The following CPEB2 variants were observed in gnomAD, a reference collection of about 807,000 sequenced individuals.
The protein encoded by CPEB2 is cytoplasmic polyadenylation element-binding protein 2.
In CPEB2, 56 loss-of-function variants were observed where a neutral mutation model predicts 93.6. The ratio of observed to expected loss-of-function variants is 0.60; its 90% CI spans 0.48 to 0.75. The LOEUF is 0.75. Among genes scored for constraint, CPEB2 ranks in the 30% least tolerant of loss-of-function variants. The pLI is 0.00. For synonymous variants in CPEB2, 764 were observed against 586.3 expected (o/e 1.30, Z -4.38); for missense variants, 1,579 against 1,395.1 (o/e 1.13, Z -2.10).
intron 6 of CPEB2, among the ~76,000 whole-genome samples, chr4:15,049,332 G>A (rs777974501): frequency 1.3e-5 from 2 of 151,610 alleles, no homozygotes; most frequent in African/African-American, 2.4e-5. Flanking sequence ...AAAGACATTT[G>A]AATACTTACT....
At chr4:15,039,294 T>A (rs935219487) in intron 5 of CPEB2, among the ~76,000 whole-genome samples, 37 of 152,200 alleles carry the variant, frequency 2.4e-4, no homozygotes, top group African/African-American at 8.7e-4. Flanking sequence ...TTAGAGGAAC[T>A]AGTGTGTTAC....
In CPEB2 at chr4:15,047,060, T is replaced by C. The variant is rs559328772; in HGVS notation, c.2201-5354T>C. On this transcript the variant is annotated intron_variant, in intron 6 of 11. Coordinates refer to ENST00000538197, the MANE Select transcript of CPEB2 (RefSeq NM_001177382.2). ...TTTACTTTTCCACATTGAACTGTATTGGTACCTTTGAAAAACATCAAGTGA... is the reference window on the plus strand; with the variant it reads ...TTTACTTTTCCACATTGAACTGTATCGGTACCTTTGAAAAACATCAAGTGA... Among the ~76,000 whole-genome samples, 5 of 152,326 alleles carry C rather than the reference T, an allele frequency of 3.3e-5. No homozygotes were observed. The South Asian group carries it at 8.3e-4, about 25-fold the overall frequency.
chr4:15,026,247 G>A (rs1382772484), intron 4 of CPEB2, among the ~76,000 whole-genome samples: 1 of 148,654 alleles, frequency 6.7e-6, no homozygotes, highest in Non-Finnish European at 1.5e-5. Flanking sequence ...TGTTTTTTGA[G>A]ATGGAGTCTT....
chr4:15,008,988 G>A (rs907686839), intron 3 of CPEB2, among the ~76,000 whole-genome samples: 1 of 152,132 alleles, frequency 6.6e-6, no homozygotes, highest in Non-Finnish European at 1.5e-5. Flanking sequence ...TGGAGAAACC[G>A]TTAGTCAAAA....
rs1295566956 is a variant in CPEB2 at position 15,069,195 on chromosome 4, G to GA, written c.*2819dup. 6.6e-6 allele frequency: 1 copy of GA among 151,992 alleles called. No individual in the cohort carries two copies. Among genetic ancestry groups the GA allele is most frequent in the Non-Finnish European group, 1.5e-5 (1 of 67,764 alleles). The allele number at this position is 151,992 out of a possible 1,614,324, so 9.4% of individuals were successfully genotyped here. ...TTTAGCATTTATATATTTGTGTATG[G>GA]AAAACACTTGATATTTTATCCCTGT... On this transcript the variant is annotated 3_prime_UTR_variant, in exon 12 of 12. Coordinates refer to ENST00000538197, the MANE Select transcript of CPEB2 (RefSeq NM_001177382.2).
chr4:15,037,668 A>T (rs1726757264), intron 5 of CPEB2, among the ~76,000 whole-genome samples: 1 of 152,180 alleles, frequency 6.6e-6, no homozygotes, highest in African/African-American at 2.4e-5. Context: ...CTTATTTTTA[A>T]ATAAATAAGG....
chr4:15,003,331 C>T lies in CPEB2; in HGVS notation c.658C>T (p.Gln220Ter). The change falls in exon 1 of 12, where the codon CAG (glutamine) becomes TAG (stop). Residue 220 changes from glutamine to a stop codon, truncating the protein, a stop_gained. Transcript: ENST00000538197. LOFTEE classifies it high-confidence loss of function. ...PPPPPAGPLL[Q>*]PAQLAQRQQQ... Reference sequence around the variant, plus strand: ...GCCGCCGCCAGCCGGCCCGCTCCTCCAGCCGGCGCAGCTCGCTCAGCGCCA... The same window carrying T: ...GCCGCCGCCAGCCGGCCCGCTCCTCTAGCCGGCGCAGCTCGCTCAGCGCCA... 1.4e-6 allele frequency: 2 copies of T among 1,405,152 alleles called. No individual in the cohort carries two copies. The highest frequency in any genetic ancestry group is 7.2e-5 in the Admixed American group (2 of 27,916). The allele number at this position is 1,405,152 out of a possible 1,614,324, so 87.0% of individuals were successfully genotyped here.
At chr4:15,024,120 A>G (rs770124211) in intron 4 of CPEB2, among the ~76,000 whole-genome samples, 6 of 152,094 alleles carry the variant, frequency 3.9e-5, no homozygotes, top group Non-Finnish European at 7.4e-5. Flanking sequence ...GCTTCTTTCA[A>G]TACATACAAA....
chr4:15,050,775 G>A (rs114639711), intron 6 of CPEB2, among the ~76,000 whole-genome samples: 2,037 of 151,936 alleles, frequency 0.013, 44 homozygotes, highest in African/African-American at 0.047. Flanking sequence ...TGAATGTTCT[G>A]CTTCTTCCTT....
At chr4:15,007,008 A>G (rs752704760) in intron 1 of CPEB2, among the ~76,000 whole-genome samples, 6 of 152,152 alleles carry the variant, frequency 3.9e-5, no homozygotes, top group East Asian at 1.9e-4. Context: ...TTTTCTTCAT[A>G]TTTATCATGT....
At position 15,068,162 on chromosome 4, in the gene CPEB2, A is replaced by T. The variant is rs1188976475; in HGVS notation, c.*1782A>T. 3 of 152,284 alleles carry T rather than the reference A, an allele frequency of 2.0e-5. No individual in the cohort carries two copies. In the Admixed American group the frequency reaches 2.0e-4, roughly 10 times the overall value. 9.4% of individuals were successfully genotyped at this position (152,284 alleles called of 1,614,324 possible). ...TTACAAGGGTGTTGCCTTATAGCAA[A>T]CCCTTGGGACAATCCTTCATGTGAG... On this transcript the variant is annotated 3_prime_UTR_variant, in exon 12 of 12. Coordinates refer to ENST00000538197, the MANE Select transcript of CPEB2 (RefSeq NM_001177382.2).
At chr4:15,061,506 G>A (rs1729187020) in intron 10 of CPEB2, among the ~76,000 whole-genome samples, 1 of 151,816 alleles carries the variant, frequency 6.6e-6, no homozygotes, top group African/African-American at 2.4e-5. Flanking sequence ...AACAATTATA[G>A]TGGAGTCATG....
intron 4 of CPEB2, among the ~76,000 whole-genome samples, chr4:15,022,011 A>G (rs1476413408): frequency 6.6e-6 from 1 of 152,206 alleles, no homozygotes; most frequent in Non-Finnish European, 1.5e-5. Context: ...AGATTACAAT[A>G]CCAAGTCACA....
intron 6 of CPEB2, among the ~76,000 whole-genome samples, chr4:15,043,134 A>G (rs1727341354): frequency 6.6e-6 from 1 of 152,178 alleles, no homozygotes; most frequent in Non-Finnish European, 1.5e-5. Context: ...CAGGCACGAA[A>G]CTGTTTTCAT....
chr4:15,009,116 A>C (rs1723163394), intron 3 of CPEB2, among the ~76,000 whole-genome samples: 1 of 152,216 alleles, frequency 6.6e-6, no homozygotes, highest in South Asian at 2.1e-4. Context: ...GAGGATTATT[A>C]TAGGTTATAG....
At chr4:15,055,520 CG>C (rs1728631933) in intron 8 of CPEB2, among the ~76,000 whole-genome samples, 2 of 152,008 alleles carry the variant, frequency 1.3e-5, no homozygotes, top group African/African-American at 4.8e-5. Flanking sequence ...GTAATGTTCC[CG>C]ACTAAGCTAC....
chr4:15,044,399 G>A (rs1425470845), intron 6 of CPEB2, among the ~76,000 whole-genome samples: 2 of 152,042 alleles, frequency 1.3e-5, no homozygotes, highest in South Asian at 2.1e-4. Context: ...TAAGAGACTG[G>A]TAGTGTCTGC....
intron 6 of CPEB2, among the ~76,000 whole-genome samples, chr4:15,041,783 G>A (rs1481664993): frequency 6.6e-6 from 1 of 152,080 alleles, no homozygotes; most frequent in Non-Finnish European, 1.5e-5. Flanking sequence ...CATTTGCCAC[G>A]ACTGACAACC....
In CPEB2 at chr4:15,003,275, CGCT is replaced by C. The variant is rs1722238926; in HGVS notation, c.603_605del (p.Leu202del). 5.2e-6 allele frequency: 8 copies of C among 1,524,732 alleles called. No individual in the cohort carries two copies. The South Asian group carries it at 8.4e-5, about 16-fold the overall frequency. The allele number at this position is 1,524,732 out of a possible 1,614,324, so 94.5% of individuals were successfully genotyped here. A position where few individuals can be genotyped will look rare whatever the true frequency, so the allele number is the denominator to read the frequency against. Reference sequence around the variant, plus strand: ...TCGAAGCCGCCGCCGCCGCCTCCGCCGCTCCACTGCCCCGGTCGGTTCAGCCCG... The same window carrying C: ...TCGAAGCCGCCGCCGCCGCCTCCGCCCCACTGCCCCGGTCGGTTCAGCCCG... On this transcript the variant is annotated inframe_deletion, in exon 1 of 12. Transcript: ENST00000538197.
Sources: gnomAD v4.1 joint callset for allele counts (sites outside exome capture counted in the v4.1 genomes callset) on GRCh38, gnomAD v4.1.1 for gene constraint, MANE v1.5 for transcripts, NCBI Gene and HGNC (gene_info 2026-07-23, HGNC 2026-07-21) for gene names.